DCUN1D4: variants seen among roughly 807,000 people sequenced by gnomAD.
DCUN1D4 encodes the protein defective in cullin neddylation 1 domain containing 4.
In DCUN1D4, 22 loss-of-function variants were observed where a neutral mutation model predicts 47.9. The observed-to-expected ratio is 0.46, with a 90% confidence interval of 0.33 to 0.66. DCUN1D4 has a LOEUF of 0.66. Ranked by LOEUF, DCUN1D4 falls within the 30% of genes least tolerant of loss-of-function variation. The probability of loss-of-function intolerance (pLI) is 0.02; values close to 1 mark genes in which losing one functional copy is unlikely to be tolerated. For missense variants in DCUN1D4, 301 were observed against 340.8 expected (o/e 0.88, Z 0.92); for synonymous variants, 121 against 112.2 (o/e 1.08, Z -0.50).
chr4:51,900,210 T>G (rs1298609613), intron 8 of DCUN1D4, among the ~76,000 whole-genome samples: 1 of 152,196 alleles, frequency 6.6e-6, no homozygotes, highest in Non-Finnish European at 1.5e-5. Flanking sequence ...TTTTTTTCAC[T>G]TTTTACTCTC....
intron 6 of DCUN1D4, among the ~76,000 whole-genome samples, chr4:51,888,724 CAAA>C (rs71193044): frequency 2.5e-5 from 2 of 81,270 alleles, no homozygotes; most frequent in African/African-American, 3.6e-5. Flanking sequence ...ACTCCATCTC[CAAA>C]AAAAAAAAAA....
chr4:51,853,160 G>C (rs773718735), intron 1 of DCUN1D4, among the ~76,000 whole-genome samples: 21 of 152,316 alleles, frequency 1.4e-4, no homozygotes, highest in Non-Finnish European at 2.2e-4. Flanking sequence ...GTGGGCGATG[G>C]ATGGATGCTG....
intron 3 of DCUN1D4, among the ~76,000 whole-genome samples, chr4:51,867,895 C>T (rs559934024): frequency 2.6e-5 from 4 of 152,206 alleles, no homozygotes; most frequent in East Asian, 3.9e-4. Flanking sequence ...GTGCCCACGG[C>T]GCTCAGGTTG....
the DCUN1D4 span, among the ~76,000 whole-genome samples, chr4:51,835,998 C>T: frequency 6.6e-6 from 1 of 152,140 alleles, no homozygotes; most frequent in Non-Finnish European, 1.5e-5. Flanking sequence ...TGAAACTGTT[C>T]ACTTAACCCA....
intron 5 of DCUN1D4, 88 bp from the exon 6 acceptor site, chr4:51,886,480 C>G: frequency 1.7e-6 from 2 of 1,145,232 alleles, no homozygotes; most frequent in Admixed American, 2.5e-5. Flanking sequence ...GCCTTTAAGT[C>G]TTACTTGTTG....
chr4:51,887,381 T>C (rs1440013685), intron 6 of DCUN1D4: 1 of 191,628 alleles, frequency 5.2e-6, no homozygotes, highest in African/African-American at 2.4e-5. Context: ...ATTATAGGCG[T>C]GAGCCACAGC....
intron 7 of DCUN1D4, among the ~76,000 whole-genome samples, chr4:51,892,414 G>T (rs1192746357): frequency 1.3e-5 from 2 of 152,146 alleles, no homozygotes; most frequent in African/African-American, 4.8e-5. Flanking sequence ...TGAGTTGAAC[G>T]GTGCAGTTTT....
At chr4:51,848,114 A>G (rs1722829043) in intron 1 of DCUN1D4, 1 of 1,006,402 alleles carries the variant, frequency 9.9e-7, no homozygotes, top group African/African-American at 1.7e-5. Context: ...ATTTTTCTTC[A>G]AGGAACACAA....
intron 1 of DCUN1D4, 47 bp from the exon 2 acceptor site, chr4:51,863,390 A>G (rs928081089): frequency 7.1e-7 from 1 of 1,398,794 alleles, no homozygotes; most frequent in East Asian, 2.3e-5. Context: ...GTTTTTTTAC[A>G]ATATTGGAAA....
intron 5 of DCUN1D4, among the ~76,000 whole-genome samples, chr4:51,883,446 G>A (rs1031446374): frequency 3.9e-5 from 6 of 152,158 alleles, no homozygotes; most frequent in Non-Finnish European, 7.3e-5. Flanking sequence ...TGCACATGTG[G>A]ATATATGCAC....
chr4:51,837,654 C>CAAAAAAAAAAAAA, the DCUN1D4 span, among the ~76,000 whole-genome samples: 17 of 46,190 alleles, frequency 3.7e-4, 1 homozygote, highest in South Asian at 1.2e-3. Context: ...GACTCCGTCT[C>CAAAAAAAAAAAAA]AAAAAAAAAA....
intron 1 of DCUN1D4, among the ~76,000 whole-genome samples, chr4:51,851,111 A>G (rs542371059): frequency 6.6e-6 from 1 of 152,328 alleles, no homozygotes; most frequent in South Asian, 2.1e-4. Context: ...AAAAGTTATA[A>G]GAAAGAACAG....
At chr4:51,838,923 C>A (rs2089181), upstream of DCUN1D4, among the ~76,000 whole-genome samples, 63,597 of 151,810 alleles carry the variant, frequency 0.42, 16,188 homozygotes, top group African/African-American at 0.72. Context: ...AAAAACACAA[C>A]AATTAGTCGG....
Position 51,891,775 on chromosome 4 carries a change from C to T in DCUN1D4, c.430C>T (p.Leu144=). The T allele has an allele frequency of 6.2e-7, 1 of 1,610,780 alleles. No individual in the cohort carries two copies. Among genetic ancestry groups the T allele is most frequent in the Non-Finnish European group, 8.5e-7 (1 of 1,178,730 alleles). The change falls in exon 7 of 11, where the codon CTA becomes TTA. Residue 144 remains leucine (L), a synonymous_variant. Coordinates refer to ENST00000334635, the MANE Select transcript of DCUN1D4 (RefSeq NM_001040402.3). ...VEPENVVMLV[L]AWKLDAQNMG... is the part of the protein sequence containing the mutation. ...TTTTTAACAGGTAGTTATGCTTGTC[C>T]TAGCTTGGAAATTGGATGCACAAAA...
intron 5 of DCUN1D4, among the ~76,000 whole-genome samples, chr4:51,882,359 CAGAA>C (rs951692755): frequency 2.0e-5 from 3 of 152,088 alleles, no homozygotes; most frequent in East Asian, 1.9e-4. Context: ...TGAACATTGA[CAGAA>C]AGAGAAGGCA....
chr4:51,879,192 C>T (rs1577952580), intron 5 of DCUN1D4, among the ~76,000 whole-genome samples: 1 of 152,206 alleles, frequency 6.6e-6, no homozygotes, highest in South Asian at 2.1e-4. Flanking sequence ...GGCATGGACA[C>T]TAGTGCAAAC....
At position 51,914,769 on chromosome 4, in the gene DCUN1D4, T is replaced by A. The variant is rs1734159429; in HGVS notation, c.*1185T>A. On this transcript the variant is annotated 3_prime_UTR_variant, in exon 11 of 11. Transcript: ENST00000334635. The stretch of plus-strand genomic sequence containing the variant: ...AGAAGGGCAATAGCCATTATTTTTG[T>A]GGATGAGGAAACAAGAATAAACAGA... The A allele has an allele frequency of 1.3e-5, 2 of 151,624 alleles. No individual in the cohort carries two copies. 9.4% of individuals were successfully genotyped at this position (151,624 alleles called of 1,614,324 possible). A position where few individuals can be genotyped will look rare whatever the true frequency, so the allele number is the denominator to read the frequency against.
chr4:51,893,290 G>T (rs781429382), intron 7 of DCUN1D4, among the ~76,000 whole-genome samples: 3 of 152,148 alleles, frequency 2.0e-5, no homozygotes, highest in Non-Finnish European at 4.4e-5. Context: ...TAGAATTTTA[G>T]AGTTAAATTC....
chr4:51,905,139 AGTTGT>A (rs777617686), intron 8 of DCUN1D4: 4 of 449,318 alleles, frequency 8.9e-6, no homozygotes, highest in South Asian at 6.2e-5. Context: ...TTGGCTATAA[AGTTGT>A]GTTATTTTTC....
Sources: gnomAD v4.1 joint callset for allele counts (sites outside exome capture counted in the v4.1 genomes callset) on GRCh38, gnomAD v4.1.1 for gene constraint, MANE v1.5 for transcripts, NCBI Gene and HGNC (gene_info 2026-07-23, HGNC 2026-07-21) for gene names.